NCAPH: variants seen among roughly 807,000 people sequenced by gnomAD.
NCAPH encodes non-SMC condensin I complex subunit H.
In NCAPH, 38 loss-of-function variants were observed where a neutral mutation model predicts 85.5. That is an observed-to-expected ratio of 0.44 (90% CI 0.34 to 0.58). The LOEUF is 0.58. Ranked by LOEUF, NCAPH falls within the 20% of genes least tolerant of loss-of-function variation. NCAPH has a pLI of 0.01. For synonymous variants in NCAPH, 301 were observed against 335.1 expected (o/e 0.90, Z 1.11); for missense variants, 789 against 916.6 (o/e 0.86, Z 1.80).
At chr2:96,359,976 G>A (rs1012071565) in intron 10 of NCAPH, among the ~76,000 whole-genome samples, 167 bp from the exon 11 acceptor site, 7 of 152,176 alleles carry the variant, frequency 4.6e-5, no homozygotes, top group African/African-American at 1.4e-4. Flanking sequence ...ATAAGTTTAG[G>A]ATGAAAAGAG....
At position 96,361,040 on chromosome 2, in the gene NCAPH, CTTTTTTTTTTT is replaced by C. The variant is rs760283642; in HGVS notation, c.1587+346_1587+356del. On this transcript the variant is annotated intron_variant, in intron 12 of 17. Transcript: ENST00000240423. ...TATTTCTTGATTCCTTTGCTTTCTC[CTTTTTTTTTTT>C]TTTTTTTTTTTTTTTGACAGAGTTT... Among the ~76,000 whole-genome samples, 12 of 86,780 alleles carry C rather than the reference CTTTTTTTTTTT, an allele frequency of 1.4e-4. No individual in the cohort carries two copies. In the South Asian group the frequency reaches 5.9e-3, roughly 43 times the overall value. 56.9% of individuals were successfully genotyped at this position (86,780 alleles called of 152,430 possible).
At chr2:96,341,579 A>C in intron 1 of NCAPH, 63 bp from the exon 2 acceptor site, 1 of 1,561,984 alleles carries the variant, frequency 6.4e-7, no homozygotes, top group Non-Finnish European at 8.7e-7. Flanking sequence ...TGACAGGCTC[A>C]AGACTTCTTT....
chr2:96,370,774 G>A (rs1005315871), intron 17 of NCAPH, among the ~76,000 whole-genome samples: 2 of 152,226 alleles, frequency 1.3e-5, no homozygotes, highest in Non-Finnish European at 2.9e-5. Flanking sequence ...CATTGGGCTT[G>A]TAACCACCAG....
chr2:96,336,627 A>ATGGTATGTGTGAC (rs2064218053), intron 1 of NCAPH, among the ~76,000 whole-genome samples: 1 of 152,244 alleles, frequency 6.6e-6, no homozygotes, highest in Non-Finnish European at 1.5e-5. Context: ...CATTTTGGAC[A>ATGGTATGTGTGAC]TGGTATGTGT....
rs60596893 is a variant in NCAPH at position 96,344,924 on chromosome 2, A to G, written c.720+695A>G. ...GGAGAATATCTGTAAGAAAATTCTG[A>G]GACATGGATTTTAAGTTGCCCTCAA... On this transcript the variant is annotated intron_variant, in intron 6 of 17. Transcript: ENST00000240423. Among the ~76,000 whole-genome samples the G allele has an allele frequency of 1.4e-3, 213 of 152,322 alleles. 5 individuals carry two copies. In the East Asian group the frequency reaches 0.035, roughly 25 times the overall value.
At chr2:96,337,458 C>T (rs570089617) in intron 1 of NCAPH, among the ~76,000 whole-genome samples, 1 of 152,296 alleles carries the variant, frequency 6.6e-6, no homozygotes, top group South Asian at 2.1e-4. Context: ...CTCGCTCTAT[C>T]GCCCAGGCTG....
At chr2:96,370,077 A>G (rs965253537) in intron 17 of NCAPH, among the ~76,000 whole-genome samples, 4 of 152,172 alleles carry the variant, frequency 2.6e-5, no homozygotes, top group African/African-American at 9.7e-5. Context: ...GAGGGCACTC[A>G]TTTTCTCAGG....
chr2:96,361,434 G>A (rs1042667298), intron 12 of NCAPH, among the ~76,000 whole-genome samples: 2 of 151,866 alleles, frequency 1.3e-5, no homozygotes, highest in African/African-American at 2.4e-5. Context: ...GATCCAAGTC[G>A]AAGCGAGCCC....
intron 15 of NCAPH, among the ~76,000 whole-genome samples, chr2:96,368,062 T>C (rs1422816517): frequency 1.3e-5 from 2 of 152,228 alleles, no homozygotes; most frequent in African/African-American, 2.4e-5. Context: ...CTTGATTAAC[T>C]TGGTCCACCT....
intron 14 of NCAPH, 99 bp downstream of exon 14, chr2:96,366,157 C>T (rs2064696564): frequency 7.4e-7 from 1 of 1,355,988 alleles, no homozygotes; most frequent in South Asian, 1.4e-5. Flanking sequence ...TTCTTTTCTT[C>T]TCAGTTTTAA....
At position 96,354,490 on chromosome 2, in the gene NCAPH, T is replaced by A. The variant is rs573276906; in HGVS notation, c.1208+102T>A. On this transcript the variant is annotated intron_variant, in intron 9 of 17. Transcript: ENST00000240423. ...TTAAAAAATTTTTCTTTCTTTTTTTTTCCCCCCCCAAAAATAGAGACGGGC... is the reference window on the plus strand; with the variant it reads ...TTAAAAAATTTTTCTTTCTTTTTTTATCCCCCCCCAAAAATAGAGACGGGC... 3.8e-6 allele frequency: 4 copies of A among 1,059,320 alleles called. No individual in the cohort carries two copies. The South Asian group carries it at 9.4e-5, about 25-fold the overall frequency. The allele number at this position is 1,059,320 out of a possible 1,614,324, so 65.6% of individuals were successfully genotyped here. A position where few individuals can be genotyped will look rare whatever the true frequency, so the allele number is the denominator to read the frequency against.
intron 2 of NCAPH, 22 bp from the exon 3 acceptor site, chr2:96,342,028 T>A: frequency 6.2e-7 from 1 of 1,605,258 alleles, no homozygotes; most frequent in Middle Eastern, 1.7e-4. Context: ...GCCAGAGTTG[T>A]TTGTTTTTGT....
chr2:96,363,755 C>G (rs898146417), intron 12 of NCAPH, among the ~76,000 whole-genome samples: 1 of 152,082 alleles, frequency 6.6e-6, no homozygotes, highest in Non-Finnish European at 1.5e-5. Context: ...GGATGTCTCT[C>G]CTTGTTGCCA....
chr2:96,365,805 A>G, intron 13 of NCAPH, 71 bp from the exon 14 acceptor site: 1 of 1,449,644 alleles, frequency 6.9e-7, no homozygotes, highest in Admixed American at 1.7e-5. Flanking sequence ...GTAAACATGG[A>G]GTCTATTTCA....
intron 4 of NCAPH, 40 bp downstream of exon 4, chr2:96,342,888 T>C (rs771108584): frequency 1.4e-5 from 22 of 1,529,978 alleles, no homozygotes; most frequent in Non-Finnish European, 1.9e-5. Flanking sequence ...CTGAATTAAA[T>C]GATGATGATT....
chr2:96,359,066 G>T lies in NCAPH; in HGVS notation c.1230G>T (p.Gly410=). ...ACAGGGAAGAAATGATTTCCCTTGGGGATGGAGACATCAGGACCATGTGCC... is the reference window on the plus strand; with the variant it reads ...ACAGGGAAGAAATGATTTCCCTTGGTGATGGAGACATCAGGACCATGTGCC... ...QSCQEEMISL[G]DGDIRTMCPL... Residue 410 remains glycine, a synonymous_variant, in exon 10 of 18, where the codon GGG becomes GGT. Transcript: ENST00000240423. The T allele has an allele frequency of 6.2e-7, 1 of 1,614,108 alleles. No homozygotes were observed. Among genetic ancestry groups the T allele is most frequent in the Non-Finnish European group, 8.5e-7 (1 of 1,179,988 alleles).
At chr2:96,360,326 T>A in intron 11 of NCAPH, 77 bp downstream of exon 11, 3 of 948,882 alleles carry the variant, frequency 3.2e-6, no homozygotes, top group Non-Finnish European at 4.8e-6. Flanking sequence ...TCCGTATAAA[T>A]TTAACTGTTA....
At chr2:96,361,040 C>CTTTTTT (rs760283642) in intron 12 of NCAPH, among the ~76,000 whole-genome samples, 4 of 86,780 alleles carry the variant, frequency 4.6e-5, no homozygotes, top group Non-Finnish European at 9.0e-5. Context: ...TTGCTTTCTC[C>CTTTTTT]TTTTTTTTTT....
intron 6 of NCAPH, among the ~76,000 whole-genome samples, chr2:96,348,016 T>A (rs939893231): frequency 1.1e-4 from 16 of 151,992 alleles, no homozygotes; most frequent in African/African-American, 3.6e-4. Flanking sequence ...GTGGGTGATG[T>A]GTGTAGCATA....
Sources: allele counts gnomAD v4.1 joint callset (sites outside exome capture counted in the v4.1 genomes callset), GRCh38; gene constraint gnomAD v4.1.1; transcripts MANE v1.5; gene names NCBI Gene and HGNC (gene_info 2026-07-23, HGNC 2026-07-21).